Variants in ZMAT4 observed in about 807,000 individuals in gnomAD.
The protein encoded by ZMAT4 is zinc finger matrin-type 4, also known as zinc finger matrin-type protein 4.
A neutral mutation model predicts 28.7 loss-of-function variants in ZMAT4; 17 were observed. That is an observed-to-expected ratio of 0.59 (90% confidence interval 0.41 to 0.89). The LOEUF is 0.89. ZMAT4 is among the 40% of genes least tolerant of loss of function. The pLI is 0.00. For missense variants in ZMAT4, 240 were observed against 283.8 expected (o/e 0.85, Z 1.11); for synonymous variants, 117 against 109.2 (o/e 1.07, Z -0.44).
At chr8:40,778,627 A>T (rs974052484) in intron 2 of ZMAT4, among the ~76,000 whole-genome samples, 1 of 152,204 alleles carries the variant, frequency 6.6e-6, no homozygotes, top group Admixed American at 6.5e-5. Flanking sequence ...ACTCCAAAGC[A>T]TATTTGATTA....
intron 1 of ZMAT4, among the ~76,000 whole-genome samples, chr8:40,881,800 G>A (rs1042594929): frequency 1.3e-5 from 2 of 152,044 alleles, no homozygotes; most frequent in Admixed American, 1.3e-4. Flanking sequence ...TTTCCATACA[G>A]AGATGGGAAT....
At chr8:40,876,336 T>G (rs1818040560) in intron 1 of ZMAT4, among the ~76,000 whole-genome samples, 2 of 152,206 alleles carry the variant, frequency 1.3e-5, no homozygotes, top group South Asian at 4.1e-4. Context: ...TGTTTGTTTT[T>G]GAGACAGGGT....
At chr8:40,572,670 A>G (rs1804134877) in intron 6 of ZMAT4, among the ~76,000 whole-genome samples, 1 of 152,160 alleles carries the variant, frequency 6.6e-6, no homozygotes, top group East Asian at 1.9e-4. Flanking sequence ...TATCCCCTGG[A>G]AGCTCTGAAA....
chr8:40,672,271 A>T (rs969592829), intron 5 of ZMAT4, among the ~76,000 whole-genome samples: 1 of 152,116 alleles, frequency 6.6e-6, no homozygotes, highest in African/African-American at 2.4e-5. Flanking sequence ...TGCCTTTATT[A>T]ATTGATTGAT....
intron 3 of ZMAT4, among the ~76,000 whole-genome samples, chr8:40,747,604 A>G (rs1812293079): frequency 6.6e-6 from 1 of 152,140 alleles, no homozygotes; most frequent in Non-Finnish European, 1.5e-5. Flanking sequence ...CAGAAAAAAA[A>G]ACAACACATA....
chr8:40,833,166 C>G (rs536395103), intron 1 of ZMAT4, among the ~76,000 whole-genome samples: 1 of 152,176 alleles, frequency 6.6e-6, no homozygotes, highest in Non-Finnish European at 1.5e-5. Context: ...TCTGTCCTGT[C>G]CCCATCACAC....
chr8:40,756,611 G>C (rs1324472669), intron 3 of ZMAT4, among the ~76,000 whole-genome samples: 1 of 145,294 alleles, frequency 6.9e-6, no homozygotes, highest in Non-Finnish European at 1.5e-5. Flanking sequence ...ATCTGTTCGG[G>C]TTTATGTTTG....
chr8:40,705,266 G>C (rs7001068), intron 3 of ZMAT4, among the ~76,000 whole-genome samples: 23,293 of 152,184 alleles, frequency 0.15, 2,250 homozygotes, highest in Non-Finnish European at 0.22. Flanking sequence ...TCCTGAGAGA[G>C]GACAACTATG....
At chr8:40,841,225 G>T (rs1476151969) in intron 1 of ZMAT4, among the ~76,000 whole-genome samples, 1 of 152,198 alleles carries the variant, frequency 6.6e-6, no homozygotes, top group Non-Finnish European at 1.5e-5. Context: ...AGTGGCGGTT[G>T]CACTCTCCCC....
At chr8:40,848,631 T>G (rs1816992474) in intron 1 of ZMAT4, among the ~76,000 whole-genome samples, 1 of 152,108 alleles carries the variant, frequency 6.6e-6, no homozygotes, top group Non-Finnish European at 1.5e-5. Context: ...AGTTGACTCA[T>G]CTGTAAAACA....
intron 3 of ZMAT4, among the ~76,000 whole-genome samples, chr8:40,720,589 A>G (rs981778231): frequency 7.0e-6 from 1 of 142,010 alleles, no homozygotes; most frequent in Admixed American, 7.6e-5. Flanking sequence ...GTGCAGTGGC[A>G]TGATTTTGGC....
chr8:40,775,181 G>A lies in ZMAT4; in HGVS notation c.103-7451C>T, dbSNP rs1040757472. On this transcript the variant is annotated intron_variant, in intron 2 of 6. Coordinates refer to ENST00000297737, the MANE Select transcript of ZMAT4 (RefSeq NM_024645.3). ...GTGAAGGAAAGAATAAGTTAACCTCGGAACAAGAACCCAAGACCCTTGAAG... is the reference window on the plus strand; with the variant it reads ...GTGAAGGAAAGAATAAGTTAACCTCAGAACAAGAACCCAAGACCCTTGAAG... 2.0e-5 allele frequency among the ~76,000 whole-genome samples: 3 copies of A among 152,260 alleles called. 1 individual carries two copies. Among genetic ancestry groups the A allele is most frequent in the Middle Eastern group, 6.8e-3 (2 of 294 alleles).
intron 6 of ZMAT4, among the ~76,000 whole-genome samples, chr8:40,551,501 A>C (rs1033484516): frequency 6.6e-6 from 1 of 152,208 alleles, no homozygotes; most frequent in South Asian, 2.1e-4. Flanking sequence ...ATTAGTTTTC[A>C]TATAGTAGAC....
At chr8:40,694,685 C>A (rs1438690865) in intron 4 of ZMAT4, among the ~76,000 whole-genome samples, 1 of 152,124 alleles carries the variant, frequency 6.6e-6, no homozygotes, top group Non-Finnish European at 1.5e-5. Context: ...GCAGCAGCCT[C>A]AGAAGTGAAG....
intron 5 of ZMAT4, among the ~76,000 whole-genome samples, chr8:40,589,105 A>G (rs1055908735): frequency 9.2e-5 from 14 of 152,198 alleles, no homozygotes; most frequent in Non-Finnish European, 1.9e-4. Flanking sequence ...ATCTTTGAGC[A>G]GAAGGAAAAT....
intron 5 of ZMAT4, among the ~76,000 whole-genome samples, chr8:40,643,816 T>G (rs1365780096): frequency 6.8e-6 from 1 of 146,676 alleles, no homozygotes; most frequent in Non-Finnish European, 1.5e-5. Context: ...GTAAGGTCAG[T>G]GTTCCAGGAA....
intron 3 of ZMAT4, among the ~76,000 whole-genome samples, chr8:40,741,635 G>A (rs956736710): frequency 6.6e-6 from 1 of 152,094 alleles, no homozygotes; most frequent in Non-Finnish European, 1.5e-5. Context: ...TCATATATCG[G>A]TGCTGGGAAT....
chr8:40,554,986 C>T lies in ZMAT4; in HGVS notation c.675-22748G>A, dbSNP rs111324139. Among the ~76,000 whole-genome samples the T allele has an allele frequency of 5.1e-3, 782 of 152,256 alleles. 5 individuals are homozygous for T. Among genetic ancestry groups the T allele is most frequent in the African/African-American group, 0.016 (681 of 41,566 alleles). On this transcript the variant is annotated intron_variant, in intron 6 of 6. Coordinates refer to ENST00000297737, the MANE Select transcript of ZMAT4 (RefSeq NM_024645.3). The stretch of plus-strand genomic sequence containing the variant: ...TCACCTATACCCACACCCACACATC[C>T]TTCCCAGCCTCTGGTATCTATCATT...
chr8:40,751,789 A>G (rs1399570550), intron 3 of ZMAT4, among the ~76,000 whole-genome samples: 1 of 152,162 alleles, frequency 6.6e-6, no homozygotes, highest in Non-Finnish European at 1.5e-5. Flanking sequence ...GCTCTGTAAG[A>G]CTTTCTATAC....
Sources: allele counts gnomAD v4.1 joint callset (sites outside exome capture counted in the v4.1 genomes callset), GRCh38; gene constraint gnomAD v4.1.1; transcripts MANE v1.5; gene names NCBI Gene and HGNC (gene_info 2026-07-23, HGNC 2026-07-21).